CCDC102B: variants seen among roughly 807,000 people sequenced by gnomAD.
The protein encoded by CCDC102B is coiled-coil domain containing 102B.
In CCDC102B, 75 loss-of-function variants were observed where a neutral mutation model predicts 57.4. The ratio of observed to expected loss-of-function variants is 1.31; its 90% CI spans 1.08 to 1.58. The LOEUF is 1.58. CCDC102B is among the 40% of genes most tolerant of loss of function. The pLI is 0.00. For missense variants in CCDC102B, 636 were observed against 582.6 expected (o/e 1.09, Z -0.94); for synonymous variants, 206 against 201.9 (o/e 1.02, Z -0.17).
chr18:68,956,598 T>A (rs202169362), intron 6 of CCDC102B, among the ~76,000 whole-genome samples: 4 of 74,032 alleles, frequency 5.4e-5, no homozygotes, highest in Admixed American at 4.8e-4. Context: ...TATATATATA[T>A]TATATATATA....
rs761575393 is a variant in CCDC102B at position 68,837,037 on chromosome 18, A to G, written c.274A>G (p.Met92Val). 2.6e-5 allele frequency: 42 copies of G among 1,614,094 alleles called. 1 individual carries two copies. The South Asian group carries it at 4.0e-4, about 15-fold the overall frequency. ...CAGAGCTGCTCAGATGGAAAAGACC[A>G]TGCGGTGGTGGTCGGACTGCACTGC... Reference protein sequence around the residue: ...KARAAQMEKTMRWWSDCTANW... With the variant: ...KARAAQMEKTVRWWSDCTANW... Residue 92 changes from methionine (M) to valine (V), a missense_variant, in exon 2 of 8, where the codon ATG becomes GTG. Physicochemically the swap from Met to Val is conservative, Grantham distance 21. Transcript: ENST00000360242.
rs974553607 is a variant in CCDC102B at position 68,896,599 on chromosome 18, A to G, written c.1054-620A>G. Reference sequence around the variant, plus strand: ...AAGAAATGAGCGTGGCCATGTCCCAATACGATTTTATTTGTGGTATAGTTT... The same window carrying G: ...AAGAAATGAGCGTGGCCATGTCCCAGTACGATTTTATTTGTGGTATAGTTT... On this transcript the variant is annotated intron_variant, in intron 5 of 7. Transcript: ENST00000360242. Among the ~76,000 whole-genome samples, 101 of 152,038 alleles carry G rather than the reference A, an allele frequency of 6.6e-4. 4 individuals carry two copies. Among genetic ancestry groups the G allele is most frequent in the African/African-American group, 7.2e-5 (3 of 41,442 alleles).
chr18:68,936,798 T>C (rs139938231), intron 6 of CCDC102B, among the ~76,000 whole-genome samples: 1 of 150,514 alleles, frequency 6.6e-6, no homozygotes, highest in African/African-American at 2.4e-5. Context: ...TACATACACA[T>C]ATATACATAT....
At chr18:68,771,569 G>C (rs1361836147) in intron 2 of CCDC102B, among the ~76,000 whole-genome samples, 1 of 152,140 alleles carries the variant, frequency 6.6e-6, no homozygotes, top group East Asian at 1.9e-4. Flanking sequence ...TTATGAAAAA[G>C]GAAAGGATAA....
chr18:68,893,279 A>G (rs2040139986), intron 5 of CCDC102B, among the ~76,000 whole-genome samples: 1 of 152,212 alleles, frequency 6.6e-6, no homozygotes, highest in African/African-American at 2.4e-5. Flanking sequence ...GTTATAAAAA[A>G]GAAAAATTGA....
In CCDC102B at chr18:68,857,330, A is replaced by T. The variant is rs12327539; in HGVS notation, c.936+10909A>T. Among the ~76,000 whole-genome samples, 547 of 67,148 alleles carry T rather than the reference A, an allele frequency of 8.1e-3. 57 individuals carry two copies. Among genetic ancestry groups the T allele is most frequent in the African/African-American group, 0.026 (486 of 18,350 alleles). 44.1% of individuals were successfully genotyped at this position (67,148 alleles called of 152,430 possible). The stretch of plus-strand genomic sequence containing the variant: ...TATATATTTATATATTATATATATA[A>T]AATATATATTTATATATTATAAATA... On this transcript the variant is annotated intron_variant, in intron 4 of 7. Coordinates refer to ENST00000360242, the MANE Select transcript of CCDC102B (RefSeq NM_024781.3).
At chr18:68,907,197 T>C (rs2040681503) in intron 6 of CCDC102B, among the ~76,000 whole-genome samples, 1 of 152,220 alleles carries the variant, frequency 6.6e-6, no homozygotes, top group Non-Finnish European at 1.5e-5. Context: ...GCCAGTGCTA[T>C]ACTGTTTTGA....
intron 1 of CCDC102B, among the ~76,000 whole-genome samples, chr18:68,831,246 C>G (rs2037129415): frequency 6.6e-6 from 1 of 151,908 alleles, no homozygotes; most frequent in African/African-American, 2.4e-5. Context: ...TACTGAAAAC[C>G]TAGCCTAAAG....
At chr18:68,792,299 A>G (rs899092173) in intron 2 of CCDC102B, among the ~76,000 whole-genome samples, 9 of 152,202 alleles carry the variant, frequency 5.9e-5, no homozygotes, top group African/African-American at 1.9e-4. Context: ...ATAATTTCAC[A>G]GTTTTTATTA....
chr18:68,963,591 G>A (rs2050097848), intron 6 of CCDC102B, among the ~76,000 whole-genome samples: 1 of 151,722 alleles, frequency 6.6e-6, no homozygotes, highest in Non-Finnish European at 1.5e-5. Context: ...GGCTCCATCT[G>A]TTCTTCACTG....
chr18:68,776,903 T>TA (rs1207902715), intron 2 of CCDC102B, among the ~76,000 whole-genome samples: 1 of 152,216 alleles, frequency 6.6e-6, no homozygotes, highest in Non-Finnish European at 1.5e-5. Flanking sequence ...TTGTAGTTTT[T>TA]ATTGTATTAC....
chr18:68,855,248 T>C (rs565241799), intron 4 of CCDC102B, among the ~76,000 whole-genome samples: 1 of 152,152 alleles, frequency 6.6e-6, no homozygotes, highest in Non-Finnish European at 1.5e-5. Context: ...TTATGAAATA[T>C]GTAAAGAGGT....
At chr18:68,844,505 C>A (rs1052341801) in intron 3 of CCDC102B, among the ~76,000 whole-genome samples, 1 of 151,682 alleles carries the variant, frequency 6.6e-6, no homozygotes, top group Non-Finnish European at 1.5e-5. Flanking sequence ...TATGGTGATT[C>A]TTATCTTAAA....
intron 6 of CCDC102B, among the ~76,000 whole-genome samples, chr18:68,911,683 C>T (rs112310400): frequency 4.7e-5 from 6 of 126,386 alleles, no homozygotes; most frequent in Admixed American, 1.8e-4. Context: ...ACCCGGGAGG[C>T]GGAGCTTGCA....
chr18:68,800,609 C>G (rs1264479270), intron 1 of CCDC102B, among the ~76,000 whole-genome samples: 3 of 152,012 alleles, frequency 2.0e-5, no homozygotes, highest in Non-Finnish European at 4.4e-5. Flanking sequence ...TGAATATTAC[C>G]TATTCACAAA....
At chr18:68,858,538 G>A (rs1458936446) in intron 4 of CCDC102B, among the ~76,000 whole-genome samples, 4 of 152,140 alleles carry the variant, frequency 2.6e-5, no homozygotes, top group African/African-American at 4.8e-5. Context: ...GTGGCTTGAA[G>A]TTCTCCTACC....
intron 6 of CCDC102B, among the ~76,000 whole-genome samples, chr18:68,989,740 G>A (rs1284300450): frequency 1.3e-5 from 2 of 152,184 alleles, no homozygotes; most frequent in Non-Finnish European, 2.9e-5. Flanking sequence ...AGAGGAAAGC[G>A]GAAAAATAAG....
intron 6 of CCDC102B, among the ~76,000 whole-genome samples, chr18:69,004,907 C>T (rs2051299368): frequency 6.6e-6 from 1 of 152,150 alleles, no homozygotes; most frequent in Non-Finnish European, 1.5e-5. Flanking sequence ...TAAGTGGACC[C>T]ACTAAATATG....
chr18:68,972,716 T>A lies in CCDC102B; in HGVS notation c.1264-38218T>A, dbSNP rs555072112. ...TGTATTACTATAAATTTAACTGAAC[T>A]GGATTAAAATTTTAGGGATTCCTTT... is the stretch of plus-strand genomic sequence containing the variant. On this transcript the variant is annotated intron_variant, in intron 6 of 7. Coordinates refer to ENST00000360242, the MANE Select transcript of CCDC102B (RefSeq NM_024781.3). Among the ~76,000 whole-genome samples the A allele has an allele frequency of 2.0e-5, 3 of 152,280 alleles. No homozygotes were observed. The South Asian group carries it at 6.2e-4, about 32-fold the overall frequency.
Sources: allele counts gnomAD v4.1 joint callset (sites outside exome capture counted in the v4.1 genomes callset), GRCh38; gene constraint gnomAD v4.1.1; transcripts MANE v1.5; gene names NCBI Gene and HGNC (gene_info 2026-07-23, HGNC 2026-07-21).